The following KLHL8 variants were observed in gnomAD, a reference collection of about 807,000 sequenced individuals.
KLHL8 encodes the protein kelch-like protein 8.
In KLHL8, 38 loss-of-function variants were observed where a neutral mutation model predicts 63.5. The observed-to-expected ratio is 0.60, with a 90% CI of 0.46 to 0.78. The LOEUF (loss-of-function observed/expected upper bound fraction) is 0.78. Among genes scored for constraint, KLHL8 ranks in the 30% least tolerant of loss-of-function variants. The pLI is 0.00. For synonymous variants in KLHL8, 224 were observed against 254.3 expected (o/e 0.88, Z 1.13); for missense variants, 566 against 752.4 (o/e 0.75, Z 2.90).
intron 5 of KLHL8, 40 bp downstream of exon 5, chr4:87,178,437 C>A: frequency 6.5e-7 from 1 of 1,541,468 alleles, no homozygotes; most frequent in Admixed American, 2.2e-5. Flanking sequence ...TTAAAAAGAG[C>A]ATTGTGATCA....
At chr4:87,183,430 T>A in intron 3 of KLHL8, 41 bp from the exon 4 acceptor site, 1 of 1,417,594 alleles carries the variant, frequency 7.1e-7, no homozygotes, top group Non-Finnish European at 9.5e-7. Context: ...ATTTTATATT[T>A]TCTTGGGAAA....
chr4:87,184,547 GTAAA>G, intron 3 of KLHL8, among the ~76,000 whole-genome samples: 2 of 152,044 alleles, frequency 1.3e-5, no homozygotes, highest in East Asian at 3.9e-4. Context: ...GAAAAAATAA[GTAAA>G]TAAGAACACT....
intron 2 of KLHL8, among the ~76,000 whole-genome samples, chr4:87,192,448 T>C (rs944884920): frequency 6.6e-6 from 1 of 152,236 alleles, no homozygotes; most frequent in Non-Finnish European, 1.5e-5. Context: ...CTTTGCCTAC[T>C]TTTTACTGTA....
chr4:87,170,445 A>T lies in KLHL8; in HGVS notation c.1377+2T>A. Reference sequence around the variant, plus strand: ...TTAATGACAAGTTGCCATATAACTTACTACTAGAGCAACAGAGCCAACTCC... The same window carrying T: ...TTAATGACAAGTTGCCATATAACTTTCTACTAGAGCAACAGAGCCAACTCC... On this transcript the variant is annotated splice_donor_variant, in intron 7 of 9. Coordinates refer to ENST00000273963, the MANE Select transcript of KLHL8 (RefSeq NM_020803.5). LOFTEE classifies it high-confidence loss of function. 1 of 1,592,822 alleles carries T rather than the reference A, an allele frequency of 6.3e-7. No individual in the cohort carries two copies. The highest frequency in any genetic ancestry group is 1.2e-5 in the South Asian group (1 of 86,438).
intron 2 of KLHL8, among the ~76,000 whole-genome samples, chr4:87,188,214 A>G (rs1447320054): frequency 1.3e-5 from 2 of 152,244 alleles, no homozygotes; most frequent in Non-Finnish European, 2.9e-5. Context: ...CTGATACTAA[A>G]TAACTTTTAA....
intron 2 of KLHL8, among the ~76,000 whole-genome samples, chr4:87,187,124 G>T (rs890637643): frequency 6.6e-6 from 1 of 152,034 alleles, no homozygotes; most frequent in East Asian, 1.9e-4. Context: ...ATAAATTATT[G>T]TAAGTAGAGA....
chr4:87,222,623 G>A (rs940056169), upstream of KLHL8, among the ~76,000 whole-genome samples: 15 of 151,274 alleles, frequency 9.9e-5, no homozygotes, highest in African/African-American at 3.2e-4. Context: ...TGCTCTTGTC[G>A]CCCAGGCTGG....
rs1431439730 is a variant in KLHL8, at chr4:87,192,682, A to AT, written c.216+2641dup. Among the ~76,000 whole-genome samples, 4 of 152,242 alleles carry AT rather than the reference A, an allele frequency of 2.6e-5. No individual in the cohort carries two copies. The East Asian group carries it at 5.8e-4, about 22-fold the overall frequency. ...TACATTCTGAGAAATGTGTCAGGTG[A>AT]TTTTATCATTGTGCAAATATCACAG... is the stretch of plus-strand genomic sequence containing the variant. On this transcript the variant is annotated intron_variant, in intron 2 of 9. Transcript: ENST00000273963.
intron 5 of KLHL8, among the ~76,000 whole-genome samples, chr4:87,177,367 T>G (rs1364691964): frequency 6.6e-6 from 1 of 150,906 alleles, no homozygotes; most frequent in Non-Finnish European, 1.5e-5. Flanking sequence ...ATTACCCGGG[T>G]GTGGTGGTGG....
intron 8 of KLHL8, among the ~76,000 whole-genome samples, chr4:87,165,008 G>A (rs1730332130): frequency 6.6e-6 from 1 of 151,876 alleles, no homozygotes; most frequent in Non-Finnish European, 1.5e-5. Context: ...AATTAGCTGG[G>A]CATGGTGGCG....
At chr4:87,220,636 G>A (rs1732807335), upstream of KLHL8, 1 of 152,082 alleles carries the variant, frequency 6.6e-6, no homozygotes, top group Non-Finnish European at 1.5e-5. Context: ...GGGCGGGCTG[G>A]GCGGGGCTGC....
At chr4:87,229,319 C>T (rs1022284176) in intron 1 of KLHL8, among the ~76,000 whole-genome samples, 1 of 152,132 alleles carries the variant, frequency 6.6e-6, no homozygotes, top group East Asian at 1.9e-4. Flanking sequence ...CATGTGATCA[C>T]CTCTGCAGCA....
At chr4:87,199,025 C>T (rs1731809009) in intron 1 of KLHL8, among the ~76,000 whole-genome samples, 2 of 152,044 alleles carry the variant, frequency 1.3e-5, no homozygotes, top group African/African-American at 4.8e-5. Flanking sequence ...CAAGTAAAGA[C>T]TTTTTTAAAA....
intron 4 of KLHL8, among the ~76,000 whole-genome samples, chr4:87,182,923 A>C (rs1198412203): frequency 6.6e-6 from 1 of 152,236 alleles, no homozygotes; most frequent in Non-Finnish European, 1.5e-5. Context: ...AATGCAACAT[A>C]GTAAACCAAG....
chr4:87,200,138 C>CAAAAAAAA (rs61605160), intron 1 of KLHL8, among the ~76,000 whole-genome samples: 2 of 73,708 alleles, frequency 2.7e-5, no homozygotes, highest in Non-Finnish European at 4.9e-5. Flanking sequence ...GAGACTGCCT[C>CAAAAAAAA]AAAAAAAAAA....
At chr4:87,226,628 ATTAC>A (rs1173062812) in intron 1 of KLHL8, among the ~76,000 whole-genome samples, 1 of 93,180 alleles carries the variant, frequency 1.1e-5, no homozygotes, top group Non-Finnish European at 2.0e-5. Flanking sequence ...AATAATATAT[ATTAC>A]TTATATAAAT....
intron 1 of KLHL8, among the ~76,000 whole-genome samples, chr4:87,205,146 C>T (rs1000714078): frequency 1.2e-4 from 18 of 152,230 alleles, no homozygotes; most frequent in African/African-American, 4.3e-4. Flanking sequence ...ATGGCACATG[C>T]CTGTAATCTC....
At chr4:87,222,961 T>A (rs28495684), upstream of KLHL8, among the ~76,000 whole-genome samples, 38,277 of 151,802 alleles carry the variant, frequency 0.25, 5,318 homozygotes, top group Non-Finnish European at 0.31. Flanking sequence ...ATTTTATTTA[T>A]TTTATTTTAG....
At chr4:87,217,967 CA>C (rs1339935967) in intron 1 of KLHL8, among the ~76,000 whole-genome samples, 2 of 152,138 alleles carry the variant, frequency 1.3e-5, no homozygotes, top group East Asian at 1.9e-4. Context: ...CTACAACTCT[CA>C]AAAGTTCTTG....
Sources: gnomAD v4.1 joint callset for allele counts (sites outside exome capture counted in the v4.1 genomes callset) on GRCh38, gnomAD v4.1.1 for gene constraint, MANE v1.5 for transcripts, NCBI Gene and HGNC (gene_info 2026-07-23, HGNC 2026-07-21) for gene names.